Variants in CAST observed in about 807,000 individuals in gnomAD.
CAST encodes calpastatin.
Under a neutral mutation model 119.6 loss-of-function variants are expected in CAST, and 76 were observed. The observed-to-expected ratio is 0.64, with a 90% CI of 0.53 to 0.77. CAST has a LOEUF of 0.77. Among genes scored for constraint, CAST ranks in the 30% least tolerant of loss-of-function variants. The probability of loss-of-function intolerance (pLI) is 0.00; values close to 1 mark genes in which losing one functional copy is unlikely to be tolerated. For synonymous variants in CAST, 319 were observed against 331.6 expected (o/e 0.96, Z 0.41); for missense variants, 953 against 946.5 (o/e 1.01, Z -0.09).
chr5:96,326,477 T>C, the CAST span, among the ~76,000 whole-genome samples: 98 of 152,182 alleles, frequency 6.4e-4, no homozygotes, highest in Non-Finnish European at 1.2e-3. Context: ...ATTTTATCTG[T>C]CAAACTCCTA....
At chr5:96,390,881 G>T in the CAST span, 1 of 152,614 alleles carries the variant, frequency 6.6e-6, no homozygotes, top group Non-Finnish European at 1.5e-5. Flanking sequence ...CTTCTTGAGA[G>T]TGAACCTTTG....
intron 1 of CAST, among the ~76,000 whole-genome samples, chr5:96,549,568 C>A (rs976491610): frequency 6.6e-6 from 1 of 152,038 alleles, no homozygotes; most frequent in East Asian, 1.9e-4. Flanking sequence ...CCATGGTGGG[C>A]GAGTGGAAGC....
the CAST span, among the ~76,000 whole-genome samples, chr5:95,999,497 C>T: frequency 2.6e-5 from 4 of 152,010 alleles, no homozygotes; most frequent in East Asian, 1.9e-4. Context: ...CCACAGGCAC[C>T]GGTCACTACA....
chr5:96,226,099 T>C, the CAST span, among the ~76,000 whole-genome samples: 1 of 152,128 alleles, frequency 6.6e-6, no homozygotes, highest in Non-Finnish European at 1.5e-5. Flanking sequence ...AAAAATAGTG[T>C]CAATATGAGC....
chr5:96,520,858 T>C (rs953193144), upstream of CAST, among the ~76,000 whole-genome samples: 1 of 152,208 alleles, frequency 6.6e-6, no homozygotes, highest in African/African-American at 2.4e-5. Context: ...ATGGAGCAAG[T>C]TGACTTCATT....
At chr5:96,135,106 G>A in the CAST span, among the ~76,000 whole-genome samples, 1 of 152,136 alleles carries the variant, frequency 6.6e-6, no homozygotes, top group Non-Finnish European at 1.5e-5. Flanking sequence ...GGTACAGCAG[G>A]ACAGGCCAGG....
At chr5:96,768,502 CT>C (rs553007301) in intron 29 of CAST, 40 of 405,816 alleles carry the variant, frequency 9.9e-5, no homozygotes, top group South Asian at 2.0e-4. Context: ...TGTGGATTTC[CT>C]TTTTTTTCTA....
the CAST span, among the ~76,000 whole-genome samples, chr5:96,273,620 A>C: frequency 3.3e-5 from 5 of 152,336 alleles, no homozygotes; most frequent in South Asian, 8.3e-4. Flanking sequence ...ACTTTCAGGC[A>C]TGTAAGATTT....
chr5:96,551,266 C>T (rs1409533785), intron 1 of CAST, among the ~76,000 whole-genome samples: 1 of 152,204 alleles, frequency 6.6e-6, no homozygotes, highest in Non-Finnish European at 1.5e-5. Context: ...CAATATTCAA[C>T]ATTCTTAAAG....
At chr5:96,538,319 C>T (rs1358900448) in intron 1 of CAST, among the ~76,000 whole-genome samples, 8 of 152,248 alleles carry the variant, frequency 5.3e-5, no homozygotes, top group African/African-American at 1.9e-4. Flanking sequence ...AGGTATGAAA[C>T]TACGTAGCAA....
chr5:96,026,361 C>A, the CAST span, among the ~76,000 whole-genome samples: 2 of 152,150 alleles, frequency 1.3e-5, no homozygotes, highest in Non-Finnish European at 2.9e-5. Context: ...CAGGTGAGCT[C>A]AGTACGATAC....
chr5:96,094,296 G>A, the CAST span, among the ~76,000 whole-genome samples: 1 of 152,194 alleles, frequency 6.6e-6, no homozygotes, highest in Non-Finnish European at 1.5e-5. Context: ...GGCATTGAGA[G>A]AGTGGCATTA....
intron 1 of CAST, among the ~76,000 whole-genome samples, chr5:96,627,090 A>G (rs1445207691): frequency 1.3e-5 from 2 of 152,232 alleles, no homozygotes; most frequent in Non-Finnish European, 2.9e-5. Flanking sequence ...ATGCATGAGA[A>G]ACTGGGAAAC....
At chr5:96,124,012 A>G in the CAST span, among the ~76,000 whole-genome samples, 1 of 152,146 alleles carries the variant, frequency 6.6e-6, no homozygotes, top group East Asian at 1.9e-4. Context: ...TGTCAAAAAG[A>G]TGGTCAATAT....
At chr5:96,052,430 T>C in the CAST span, among the ~76,000 whole-genome samples, 4 of 152,204 alleles carry the variant, frequency 2.6e-5, no homozygotes, top group Admixed American at 6.5e-5. Context: ...AGTAAATATG[T>C]AGGTATATCT....
upstream of CAST, among the ~76,000 whole-genome samples, chr5:96,527,073 C>T (rs1745607762): frequency 6.6e-6 from 1 of 152,048 alleles, no homozygotes; most frequent in Admixed American, 6.6e-5. Context: ...ATCTGGTGCT[C>T]AGTAGATCTG....
chr5:95,991,434 G>C, the CAST span, among the ~76,000 whole-genome samples: 1 of 146,790 alleles, frequency 6.8e-6, no homozygotes, highest in Non-Finnish European at 1.5e-5. Flanking sequence ...CAAACATACA[G>C]TTTGATAGAA....
chr5:96,293,067 G>A, the CAST span, among the ~76,000 whole-genome samples: 43 of 152,268 alleles, frequency 2.8e-4, no homozygotes, highest in African/African-American at 8.7e-4. Context: ...TTCTCTGGCC[G>A]GGATTCAACC....
At chr5:96,364,072 C>G in the CAST span, among the ~76,000 whole-genome samples, 1 of 152,136 alleles carries the variant, frequency 6.6e-6, no homozygotes, top group African/African-American at 2.4e-5. Context: ...AAGGCCTTTT[C>G]TGTATCTATT....
Sources: allele counts gnomAD v4.1 joint callset (sites outside exome capture counted in the v4.1 genomes callset), GRCh38; gene constraint gnomAD v4.1.1; transcripts MANE v1.5; gene names NCBI Gene and HGNC (gene_info 2026-07-23, HGNC 2026-07-21).